Variants in RBMS2 observed in about 807,000 individuals in gnomAD.
RBMS2 encodes RNA-binding motif, single-stranded-interacting protein 2.
A neutral mutation model predicts 58.4 loss-of-function variants in RBMS2; 38 were observed. That is an observed-to-expected ratio of 0.65 (90% CI 0.50 to 0.85). RBMS2 has a LOEUF of 0.85. RBMS2 is among the 40% of genes least tolerant of loss of function. The probability of loss-of-function intolerance (pLI) is 0.00; values close to 1 mark genes in which losing one functional copy is unlikely to be tolerated. For missense variants in RBMS2, 367 were observed against 503.7 expected (o/e 0.73, Z 2.60); for synonymous variants, 151 against 180.7 (o/e 0.84, Z 1.32).
chr12:56,550,474 G>T (rs530606929), intron 1 of RBMS2, among the ~76,000 whole-genome samples: 3 of 152,228 alleles, frequency 2.0e-5, no homozygotes, highest in Non-Finnish European at 2.9e-5. Context: ...AGGCTACAGT[G>T]AACTGTGATC....
chr12:56,526,644 A>G (rs1367193694), intron 1 of RBMS2, among the ~76,000 whole-genome samples: 3 of 142,152 alleles, frequency 2.1e-5, no homozygotes, highest in African/African-American at 7.7e-5. Flanking sequence ...ATCAGTTTTA[A>G]TGCCCTTCAG....
chr12:56,573,206 G>A, intron 5 of RBMS2: 23 of 975,602 alleles, frequency 2.4e-5, no homozygotes, highest in Non-Finnish European at 2.8e-5. Flanking sequence ...GCTGGGCGTG[G>A]TGGCTCACGC....
At chr12:56,584,891 T>C (rs968599846) in intron 9 of RBMS2, among the ~76,000 whole-genome samples, 1 of 148,474 alleles carries the variant, frequency 6.7e-6, no homozygotes, top group Non-Finnish European at 1.5e-5. Flanking sequence ...TGGACCAATC[T>C]CAGCTCACTG....
At chr12:56,545,583 A>T (rs1202021018) in intron 1 of RBMS2, among the ~76,000 whole-genome samples, 1 of 152,026 alleles carries the variant, frequency 6.6e-6, no homozygotes, top group Non-Finnish European at 1.5e-5. Context: ...TAATCCTCCC[A>T]TTGCTCCTCT....
intron 1 of RBMS2, among the ~76,000 whole-genome samples, chr12:56,551,522 T>A (rs1031887675): frequency 7.9e-5 from 12 of 152,130 alleles, no homozygotes; most frequent in Admixed American, 1.3e-4. Context: ...AGACTGGAAG[T>A]GAATGAGCAA....
intron 1 of RBMS2, among the ~76,000 whole-genome samples, chr12:56,547,649 T>C (rs991343227): frequency 1.6e-5 from 2 of 127,838 alleles, no homozygotes; most frequent in African/African-American, 5.0e-5. Flanking sequence ...CTACTTTTCT[T>C]TTCTTTTTTT....
chr12:56,547,647 CTTTTCTTTT>C (rs2136330703), intron 1 of RBMS2, among the ~76,000 whole-genome samples: 1 of 130,780 alleles, frequency 7.6e-6, no homozygotes, highest in East Asian at 2.5e-4. Context: ...TGCTACTTTT[CTTTTCTTTT>C]TTTTTTTTTT....
rs1871814203 is a variant in RBMS2, at chr12:56,522,103, C to G, written c.66+14C>G. The G allele has an allele frequency of 1.9e-6, 3 of 1,567,336 alleles. No homozygotes were observed. Among genetic ancestry groups the G allele is most frequent in the South Asian group, 2.2e-5 (2 of 89,644 alleles). On this transcript the variant is annotated intron_variant, in intron 1 of 13. Coordinates refer to ENST00000262031, the MANE Select transcript of RBMS2 (RefSeq NM_002898.4). ...AACAACAAGAAGGTAGGGAAAAGCG[C>G]TTTTTTGGTATCTAGCTACTTCTTT...
At chr12:56,568,859 T>G in intron 2 of RBMS2, 116 bp from the exon 3 acceptor site, 1 of 870,498 alleles carries the variant, frequency 1.1e-6, no homozygotes, top group Non-Finnish European at 1.8e-6. Flanking sequence ...TATGAAGGTT[T>G]GAGTAGGAAA....
At chr12:56,566,259 G>A (rs1881321465) in intron 2 of RBMS2, among the ~76,000 whole-genome samples, 1 of 152,182 alleles carries the variant, frequency 6.6e-6, no homozygotes, top group South Asian at 2.1e-4. Flanking sequence ...GGGATGGAAG[G>A]AGAGATGGGA....
chr12:56,547,751 C>T (rs1035573416), intron 1 of RBMS2, among the ~76,000 whole-genome samples: 4 of 151,016 alleles, frequency 2.6e-5, no homozygotes, highest in East Asian at 2.0e-4. Context: ...CAGGTTCAAG[C>T]GATTCTCCTG....
intron 2 of RBMS2, among the ~76,000 whole-genome samples, chr12:56,563,823 G>A (rs553918937): frequency 1.6e-4 from 24 of 151,796 alleles, no homozygotes; most frequent in Admixed American, 7.2e-4. Context: ...AAACTGGTCC[G>A]TTATCTCAGC....
chr12:56,545,003 G>A (rs1458378615), intron 1 of RBMS2, among the ~76,000 whole-genome samples: 1 of 151,880 alleles, frequency 6.6e-6, no homozygotes, highest in East Asian at 1.9e-4. Context: ...AGATTTTAGT[G>A]CACCTGTCAC....
chr12:56,575,998 G>T (rs1324262229), intron 5 of RBMS2, among the ~76,000 whole-genome samples: 1 of 151,958 alleles, frequency 6.6e-6, no homozygotes, highest in Non-Finnish European at 1.5e-5. Context: ...GAAAAGTCCA[G>T]AAATAGTTAC....
At chr12:56,531,816 CAAAAAA>C (rs58967351) in intron 1 of RBMS2, among the ~76,000 whole-genome samples, 1 of 88,306 alleles carries the variant, frequency 1.1e-5, no homozygotes, top group Non-Finnish European at 2.4e-5. Flanking sequence ...GATTCCATTT[CAAAAAA>C]AAAAAAAAAA....
chr12:56,561,768 T>A (rs142703928), intron 1 of RBMS2, among the ~76,000 whole-genome samples: 2,923 of 17,440 alleles, frequency 0.17, 47 homozygotes, highest in Non-Finnish European at 0.3. Context: ...ACCCCCCCCC[T>A]CCTTGGCCTC....
intron 1 of RBMS2, among the ~76,000 whole-genome samples, chr12:56,558,723 G>C (rs1000319896): frequency 6.0e-5 from 9 of 151,242 alleles, no homozygotes; most frequent in Admixed American, 4.0e-4. Context: ...AGCCCTGTGA[G>C]TATCTGGGAC....
chr12:56,524,546 C>T (rs1373380754), intron 1 of RBMS2, among the ~76,000 whole-genome samples: 3 of 151,172 alleles, frequency 2.0e-5, no homozygotes, highest in African/African-American at 7.3e-5. Flanking sequence ...TCACAAGTAG[C>T]TGGAACTACA....
chr12:56,589,410 G>A lies in RBMS2; in HGVS notation c.*277G>A, dbSNP rs1885139753. ...AAACTTTTCTTCTTTTGCAAAGAAAGCTTTTTGTTTTTAACTGCAACGTAC... is the reference window on the plus strand; with the variant it reads ...AAACTTTTCTTCTTTTGCAAAGAAAACTTTTTGTTTTTAACTGCAACGTAC... On this transcript the variant is annotated 3_prime_UTR_variant, in exon 14 of 14. Transcript: ENST00000262031. 3.5e-6 allele frequency: 3 copies of A among 858,240 alleles called. No individual in the cohort carries two copies. The highest frequency in any genetic ancestry group is 9.2e-5 in the Admixed American group (2 of 21,694). The allele number at this position is 858,240 out of a possible 1,614,324, so 53.2% of individuals were successfully genotyped here. A position where few individuals can be genotyped will look rare whatever the true frequency, so the allele number is the denominator to read the frequency against.
Sources: allele counts gnomAD v4.1 joint callset (sites outside exome capture counted in the v4.1 genomes callset), GRCh38; gene constraint gnomAD v4.1.1; transcripts MANE v1.5; gene names NCBI Gene and HGNC (gene_info 2026-07-23, HGNC 2026-07-21).